Variants in PHF20 observed in about 807,000 individuals in gnomAD.
The protein encoded by PHF20 is glioma-expressed antigen 2.
PHF20 carries 23 observed loss-of-function variants against 113.5 expected under a neutral mutation model. The observed-to-expected ratio is 0.20, with a 90% CI of 0.15 to 0.29. The LOEUF (loss-of-function observed/expected upper bound fraction) is 0.29, where lower values mean the gene tolerates loss of function less well. PHF20 is among the 10% of genes least tolerant of loss of function. The pLI, the probability that PHF20 is intolerant of heterozygous loss-of-function variation, is 1.00. For synonymous variants in PHF20, 434 were observed against 457.3 expected (o/e 0.95, Z 0.65); for missense variants, 943 against 1,219.6 (o/e 0.77, Z 3.38).
intron 4 of PHF20, among the ~76,000 whole-genome samples, chr20:35,847,871 TG>T (rs2042651006): frequency 6.6e-6 from 1 of 152,196 alleles, no homozygotes; most frequent in Non-Finnish European, 1.5e-5. Context: ...TAGTGGAAAC[TG>T]GGATGCCGGA....
intron 1 of PHF20, among the ~76,000 whole-genome samples, chr20:35,790,167 T>C (rs1442620524): frequency 6.6e-6 from 1 of 151,416 alleles, no homozygotes; most frequent in African/African-American, 2.4e-5. Flanking sequence ...AGAACAGTAG[T>C]AACCCTGCAA....
At chr20:35,930,188 G>A (rs2055725000) in intron 14 of PHF20, among the ~76,000 whole-genome samples, 2 of 152,206 alleles carry the variant, frequency 1.3e-5, no homozygotes, top group Admixed American at 1.3e-4. Flanking sequence ...GTTGAGTTAG[G>A]TGGTAGAAGG....
In PHF20 at chr20:35,827,708, G is replaced by A. The variant is rs561139687; in HGVS notation, c.84-14865G>A. Among the ~76,000 whole-genome samples the A allele has an allele frequency of 9.2e-5, 14 of 151,596 alleles. No individual in the cohort carries two copies. The South Asian group carries it at 2.7e-3, about 29-fold the overall frequency. On this transcript the variant is annotated intron_variant, in intron 2 of 17. Transcript: ENST00000374012. ...TGAGGCAGGAGAATGGTGTGAACCC[G>A]GGAGGCGGAGCTTGCAGTGAGCCAA...
intron 1 of PHF20, chr20:35,782,300 T>A (rs919171279): frequency 1.3e-5 from 2 of 151,908 alleles, no homozygotes; most frequent in Admixed American, 6.6e-5. Flanking sequence ...TTCTTCTCTT[T>A]TTGAGACATT....
Position 35,849,500 on chromosome 20 carries a change from A to C in PHF20, c.340+2066A>C, listed in dbSNP as rs763568709. The C allele has an allele frequency of 1.5e-5, 7 of 469,050 alleles. No homozygotes were observed. The Admixed American group carries it at 1.7e-4, about 11-fold the overall frequency. The allele number at this position is 469,050 out of a possible 1,614,324, so 29.1% of individuals were successfully genotyped here. A position where few individuals can be genotyped will look rare whatever the true frequency, so the allele number is the denominator to read the frequency against. The stretch of plus-strand genomic sequence containing the variant: ...TTAATCATGGTAGGCACCTGTCTCT[A>C]TAAGGTTTTGTGTTTGTGTGTGGGA... On this transcript the variant is annotated intron_variant, in intron 4 of 17. Coordinates refer to ENST00000374012, the MANE Select transcript of PHF20 (RefSeq NM_016436.5).
chr20:35,860,851 G>C (rs4504072), intron 5 of PHF20, among the ~76,000 whole-genome samples: 15,238 of 152,200 alleles, frequency 0.1, 811 homozygotes, highest in South Asian at 0.16. Flanking sequence ...TGGAAGTCCA[G>C]GGCTCTAGAT....
intron 6 of PHF20, among the ~76,000 whole-genome samples, chr20:35,863,973 A>G (rs796647558): frequency 5.3e-5 from 8 of 152,302 alleles, no homozygotes; most frequent in African/African-American, 1.9e-4. Context: ...GATTTAGGGA[A>G]GAATGCAGTT....
chr20:35,819,561 G>A (rs2042133354), intron 2 of PHF20, among the ~76,000 whole-genome samples: 1 of 151,916 alleles, frequency 6.6e-6, no homozygotes, highest in Admixed American at 6.6e-5. Context: ...AATGTCCTTA[G>A]ATCATTTTTG....
intron 1 of PHF20, among the ~76,000 whole-genome samples, chr20:35,780,013 A>G (rs1442346920): frequency 6.6e-6 from 1 of 152,128 alleles, no homozygotes; most frequent in East Asian, 1.9e-4. Context: ...GAGATGAGTA[A>G]TTTGTCCAAG....
chr20:35,915,448 G>A (rs770141888), intron 12 of PHF20, among the ~76,000 whole-genome samples: 9 of 151,820 alleles, frequency 5.9e-5, no homozygotes, highest in East Asian at 1.9e-4. Context: ...GTGCAGTGGC[G>A]CGATCTTGGC....
rs376477234 is a variant in PHF20, at chr20:35,864,407, A to AACACACACACAC, written c.808+1041_808+1052dup. 2.0e-3 allele frequency among the ~76,000 whole-genome samples: 261 copies of AACACACACACAC among 132,518 alleles called. 1 individual carries two copies. The highest frequency in any genetic ancestry group is 6.7e-3 in the South Asian group (27 of 4,030). The allele number at this position is 132,518 out of a possible 152,430, so 86.9% of individuals were successfully genotyped here. A position where few individuals can be genotyped will look rare whatever the true frequency, so the allele number is the denominator to read the frequency against. On this transcript the variant is annotated intron_variant, in intron 6 of 17. Transcript: ENST00000374012. ...ACAATGTAGTGACACCCCATCTCAA[A>AACACACACACAC]ACACACACACACACACACACACACA...
Position 35,936,529 on chromosome 20 carries a change from A to G in PHF20, c.2301-2168A>G, listed in dbSNP as rs146257195. Reference sequence around the variant, plus strand: ...TACATGGAGGCACAGCTTTCAGTAGATGCTCACAGGAGTCTGGCCCTAAAA... The same window carrying G: ...TACATGGAGGCACAGCTTTCAGTAGGTGCTCACAGGAGTCTGGCCCTAAAA... On this transcript the variant is annotated intron_variant, in intron 15 of 17. Coordinates refer to ENST00000374012, the MANE Select transcript of PHF20 (RefSeq NM_016436.5). Among the ~76,000 whole-genome samples the G allele has an allele frequency of 1.3e-4, 20 of 152,334 alleles. No homozygotes were observed. The East Asian group carries it at 3.7e-3, about 28-fold the overall frequency.
At chr20:35,932,270 T>C (rs1255789703) in intron 15 of PHF20, among the ~76,000 whole-genome samples, 3 of 151,492 alleles carry the variant, frequency 2.0e-5, no homozygotes, top group African/African-American at 7.3e-5. Flanking sequence ...GGTTTTACCA[T>C]GTTGGCCAGG....
chr20:35,840,540 A>G (rs1211438774), intron 2 of PHF20, among the ~76,000 whole-genome samples: 2 of 152,168 alleles, frequency 1.3e-5, no homozygotes, highest in African/African-American at 2.4e-5. Context: ...AAGGCCCACA[A>G]TCGTAGCTGT....
intron 2 of PHF20, among the ~76,000 whole-genome samples, chr20:35,813,095 A>G (rs1251867251): frequency 6.6e-6 from 1 of 152,000 alleles, no homozygotes; most frequent in Non-Finnish European, 1.5e-5. Flanking sequence ...CGGCCTCCCG[A>G]GAGCTGGGAC....
intron 2 of PHF20, among the ~76,000 whole-genome samples, chr20:35,817,182 C>T (rs962764773): frequency 4.6e-5 from 7 of 150,856 alleles, no homozygotes; most frequent in African/African-American, 1.5e-4. Context: ...ATTTTATTTC[C>T]GCATTTATTT....
chr20:35,892,370 C>T (rs927591915), intron 9 of PHF20, among the ~76,000 whole-genome samples: 51 of 151,612 alleles, frequency 3.4e-4, no homozygotes, highest in African/African-American at 9.9e-4. Context: ...CCACCGCACC[C>T]GGCCAATTTT....
chr20:35,868,503 G>C (rs1253242795), intron 6 of PHF20, among the ~76,000 whole-genome samples: 1 of 152,000 alleles, frequency 6.6e-6, no homozygotes, highest in African/African-American at 2.4e-5. Flanking sequence ...CTACAGGGAA[G>C]GCTGAGGCAG....
At chr20:35,804,384 C>T (rs1159445289) in intron 2 of PHF20, among the ~76,000 whole-genome samples, 1 of 152,050 alleles carries the variant, frequency 6.6e-6, no homozygotes, top group Non-Finnish European at 1.5e-5. Flanking sequence ...CAGGCACCCA[C>T]CACCATGCCC....
Sources: gnomAD v4.1 joint callset for allele counts (sites outside exome capture counted in the v4.1 genomes callset) on GRCh38, gnomAD v4.1.1 for gene constraint, MANE v1.5 for transcripts, NCBI Gene and HGNC (gene_info 2026-07-23, HGNC 2026-07-21) for gene names.